DACH1: variants seen among roughly 807,000 people sequenced by gnomAD.
DACH1 encodes the protein dachshund homolog 1.
DACH1 carries 12 observed loss-of-function variants against 54.2 expected under a neutral mutation model. The observed-to-expected ratio is 0.22, with a 90% CI of 0.14 to 0.36. The LOEUF is 0.36. DACH1 is among the 10% of genes least tolerant of loss of function. The pLI, the probability that DACH1 is intolerant of heterozygous loss-of-function variation, is 1.00. For synonymous variants in DACH1, 386 were observed against 366.2 expected, an observed-to-expected ratio of 1.05 and a Z score of -0.62; for missense variants, 805 against 929.8, an observed-to-expected ratio of 0.87 and a Z score of 1.75.
Position 71,844,281 on chromosome 13 carries a change from G to T in DACH1, c.848+21641C>A, listed in dbSNP as rs187858508. ...TACTGTTAGTTTGAAATGACATAAG[G>T]TCGTGCATAAATAGTACAGGTAATC... is the stretch of plus-strand genomic sequence containing the variant. On this transcript the variant is annotated intron_variant, in intron 1 of 10. Coordinates refer to ENST00000613252, the MANE Select transcript of DACH1 (RefSeq NM_080759.6). Among the ~76,000 whole-genome samples the T allele has an allele frequency of 2.0e-4, 30 of 152,194 alleles. No individual in the cohort carries two copies. The East Asian group carries it at 3.1e-3, about 16-fold the overall frequency.
intron 6 of DACH1, among the ~76,000 whole-genome samples, chr13:71,532,599 C>T (rs1023202127): frequency 9.2e-5 from 14 of 151,872 alleles, no homozygotes; most frequent in African/African-American, 2.9e-4. Context: ...AACTGAAAGG[C>T]GTAAACCTAG....
chr13:71,820,606 G>C (rs1888148901), intron 1 of DACH1, among the ~76,000 whole-genome samples: 1 of 152,014 alleles, frequency 6.6e-6, no homozygotes, highest in Non-Finnish European at 1.5e-5. Flanking sequence ...ACAGAATTCG[G>C]TATATGTCAA....
At chr13:71,684,108 T>A (rs1165723066) in intron 1 of DACH1, among the ~76,000 whole-genome samples, 5 of 152,046 alleles carry the variant, frequency 3.3e-5, no homozygotes, top group Admixed American at 6.6e-5. Context: ...CTCTTCTATA[T>A]CCCCACTCCT....
chr13:71,704,246 T>A (rs2138758705), intron 1 of DACH1: 1 of 261,340 alleles, frequency 3.8e-6, no homozygotes, highest in South Asian at 5.1e-5. Flanking sequence ...TGAGACAACA[T>A]AGAGTTGATC....
intron 6 of DACH1, among the ~76,000 whole-genome samples, chr13:71,495,322 T>C (rs941316965): frequency 6.6e-5 from 10 of 152,066 alleles, no homozygotes; most frequent in Non-Finnish European, 2.9e-5. Context: ...AGCAAAATAC[T>C]AGAGAATAAA....
intron 1 of DACH1, among the ~76,000 whole-genome samples, chr13:71,842,218 G>T (rs1466493666): frequency 6.6e-6 from 1 of 152,174 alleles, no homozygotes; most frequent in African/African-American, 2.4e-5. Context: ...TCCAATTAGT[G>T]CTTGGCATAA....
chr13:71,836,263 A>G (rs1888779613), intron 1 of DACH1, among the ~76,000 whole-genome samples: 2 of 152,082 alleles, frequency 1.3e-5, no homozygotes, highest in African/African-American at 2.4e-5. Flanking sequence ...CATTTTCCAA[A>G]AAAAAAGACT....
At chr13:71,590,470 A>C (rs1873617253) in intron 3 of DACH1, among the ~76,000 whole-genome samples, 1 of 152,180 alleles carries the variant, frequency 6.6e-6, no homozygotes, top group South Asian at 2.1e-4. Flanking sequence ...TAAATACACA[A>C]TCTGGCCTCA....
At chr13:71,468,213 C>T (rs1876767321) in intron 10 of DACH1, among the ~76,000 whole-genome samples, 1 of 152,106 alleles carries the variant, frequency 6.6e-6, no homozygotes, top group African/African-American at 2.4e-5. Flanking sequence ...CAGTGTTTAC[C>T]AATTGCCAAG....
chr13:71,648,402 G>A (rs76657612), intron 2 of DACH1, among the ~76,000 whole-genome samples: 10,170 of 152,114 alleles, frequency 0.067, 1,108 homozygotes, highest in African/African-American at 0.23. Context: ...GAGAGGCGAC[G>A]AGAAGAGAGA....
At chr13:71,743,750 G>C (rs911459584) in intron 1 of DACH1, among the ~76,000 whole-genome samples, 2 of 152,104 alleles carry the variant, frequency 1.3e-5, no homozygotes, top group Admixed American at 1.3e-4. Context: ...TTGAAAAAAA[G>C]TTTTCTAATT....
intron 1 of DACH1, among the ~76,000 whole-genome samples, chr13:71,691,050 T>G (rs1298448635): frequency 6.6e-6 from 1 of 152,256 alleles, no homozygotes; most frequent in African/African-American, 2.4e-5. Flanking sequence ...CAATTACTAT[T>G]GGCTATATTT....
At chr13:71,460,018 G>T (rs752913820) in intron 10 of DACH1, among the ~76,000 whole-genome samples, 24 of 152,014 alleles carry the variant, frequency 1.6e-4, no homozygotes, top group Middle Eastern at 3.4e-3. Context: ...GCCCTTCTAT[G>T]TGCATTGTTG....
chr13:71,780,959 C>T (rs114954320), intron 1 of DACH1, among the ~76,000 whole-genome samples: 104 of 152,122 alleles, frequency 6.8e-4, no homozygotes, highest in African/African-American at 2.3e-3. Context: ...CATAGCGAGA[C>T]CTTATCTCTA....
At chr13:71,676,707 AT>A (rs1160155911) in intron 2 of DACH1, among the ~76,000 whole-genome samples, 1 of 152,172 alleles carries the variant, frequency 6.6e-6, no homozygotes, top group African/African-American at 2.4e-5. Flanking sequence ...TTTTCTCTAA[AT>A]TTTTTTAAAG....
At chr13:71,861,327 G>T (rs562266449) in intron 1 of DACH1, among the ~76,000 whole-genome samples, 1 of 151,924 alleles carries the variant, frequency 6.6e-6, no homozygotes, top group Non-Finnish European at 1.5e-5. Context: ...TAAATGTGGA[G>T]TTCAGAAAGT....
intron 10 of DACH1, among the ~76,000 whole-genome samples, chr13:71,466,630 C>T (rs1182020605): frequency 6.6e-6 from 1 of 152,070 alleles, no homozygotes; most frequent in East Asian, 1.9e-4. Flanking sequence ...ATCGCTTGAG[C>T]TCAGGAGTTC....
intron 10 of DACH1, among the ~76,000 whole-genome samples, chr13:71,474,500 A>G (rs1354526742): frequency 6.6e-6 from 1 of 152,094 alleles, no homozygotes; most frequent in Non-Finnish European, 1.5e-5. Context: ...TATAAATGCT[A>G]CCTTCTGGTT....
At chr13:71,674,247 G>A (rs1200079858) in intron 2 of DACH1, among the ~76,000 whole-genome samples, 7 of 152,200 alleles carry the variant, frequency 4.6e-5, no homozygotes, top group Admixed American at 1.3e-4. Context: ...GCTGGATGTC[G>A]TAGGCTGCCA....
Sources: allele counts gnomAD v4.1 joint callset (sites outside exome capture counted in the v4.1 genomes callset), GRCh38; gene constraint gnomAD v4.1.1; transcripts MANE v1.5; gene names NCBI Gene and HGNC (gene_info 2026-07-23, HGNC 2026-07-21).